Variants in NRXN1 observed in about 807,000 individuals in gnomAD.
The protein encoded by NRXN1 is neurexin 1, also known as neurexin-1.
In NRXN1, 39 loss-of-function variants were observed where a neutral mutation model predicts 150.9. The observed-to-expected ratio is 0.26, with a 90% CI of 0.20 to 0.34. The LOEUF is 0.34. Ranked by LOEUF, NRXN1 falls within the 10% of genes least tolerant of loss-of-function variation. The probability of loss-of-function intolerance (pLI) is 1.00; values close to 1 mark genes in which losing one functional copy is unlikely to be tolerated. For synonymous variants in NRXN1, 924 were observed against 757.0 expected, an observed-to-expected ratio of 1.22 and a Z score of -3.62; for missense variants, 1,815 against 1,949.9, an observed-to-expected ratio of 0.93 and a Z score of 1.30.
At chr2:50,632,175 G>A (rs1219179518) in intron 5 of NRXN1, among the ~76,000 whole-genome samples, 1 of 151,858 alleles carries the variant, frequency 6.6e-6, no homozygotes, top group Non-Finnish European at 1.5e-5. Context: ...AATATATTCT[G>A]AGCAATTTAT....
At chr2:50,559,991 T>A (rs1668818902) in intron 8 of NRXN1, among the ~76,000 whole-genome samples, 1 of 152,216 alleles carries the variant, frequency 6.6e-6, no homozygotes, top group Non-Finnish European at 1.5e-5. Flanking sequence ...TAGTATTTTA[T>A]GATTAAATGA....
intron 17 of NRXN1, among the ~76,000 whole-genome samples, chr2:50,434,309 C>A (rs758977017): frequency 6.6e-6 from 1 of 151,860 alleles, no homozygotes; most frequent in African/African-American, 2.4e-5. Flanking sequence ...GTCTCGATCT[C>A]CTGACCTCGT....
chr2:50,047,834 A>G (rs1034515773), intron 21 of NRXN1, among the ~76,000 whole-genome samples: 2 of 152,050 alleles, frequency 1.3e-5, no homozygotes, highest in Non-Finnish European at 2.9e-5. Flanking sequence ...TCAATGCTGT[A>G]TTTCTACAGA....
At chr2:50,601,350 A>C (rs774938090) in intron 8 of NRXN1, among the ~76,000 whole-genome samples, 3 of 152,116 alleles carry the variant, frequency 2.0e-5, no homozygotes, top group Admixed American at 2.0e-4. Context: ...TGAGAATTTA[A>C]CTCTTGGATC....
In NRXN1 at chr2:50,261,825, T is replaced by C. The variant is rs538937202; in HGVS notation, c.3365-24855A>G. Reference sequence around the variant, plus strand: ...TGTGAAAATGAGTAAAAAATAAGATTGCAAATGTGGAAGTTCTCAACCTTG... The same window carrying C: ...TGTGAAAATGAGTAAAAAATAAGATCGCAAATGTGGAAGTTCTCAACCTTG... On this transcript the variant is annotated intron_variant, in intron 17 of 22. Transcript: ENST00000401669. Among the ~76,000 whole-genome samples, 176 of 152,036 alleles carry C rather than the reference T, an allele frequency of 1.2e-3. 2 individuals carry two copies. The highest frequency in any genetic ancestry group is 3.3e-3 in the Admixed American group (50 of 15,204).
At chr2:50,265,422 G>C (rs2068731727) in intron 17 of NRXN1, among the ~76,000 whole-genome samples, 1 of 152,074 alleles carries the variant, frequency 6.6e-6, no homozygotes, top group Non-Finnish European at 1.5e-5. Flanking sequence ...TGGTCTAAGG[G>C]CTTATCATAA....
intron 5 of NRXN1, among the ~76,000 whole-genome samples, chr2:50,825,941 T>C (rs1670390929): frequency 6.6e-6 from 1 of 152,242 alleles, no homozygotes; most frequent in Non-Finnish European, 1.5e-5. Flanking sequence ...ACACATCTCA[T>C]GTTAGAGGTA....
chr2:50,196,856 A>T (rs889022958), intron 18 of NRXN1, among the ~76,000 whole-genome samples: 2 of 152,164 alleles, frequency 1.3e-5, no homozygotes, highest in South Asian at 4.1e-4. Context: ...GAGCTAAATG[A>T]TGAGAACTTA....
intron 17 of NRXN1, among the ~76,000 whole-genome samples, chr2:50,324,409 C>T (rs763940772): frequency 3.3e-5 from 5 of 152,234 alleles, no homozygotes; most frequent in Admixed American, 6.5e-5. Flanking sequence ...TACTTAAAGA[C>T]AATTAATCAT....
chr2:50,945,421 G>C (rs1417571446), intron 2 of NRXN1, among the ~76,000 whole-genome samples: 1 of 152,038 alleles, frequency 6.6e-6, no homozygotes, highest in Non-Finnish European at 1.5e-5. Flanking sequence ...CTGAGATCGT[G>C]CCAGTGATTT....
intron 17 of NRXN1, among the ~76,000 whole-genome samples, chr2:50,253,086 T>G (rs1167929753): frequency 6.6e-6 from 1 of 152,192 alleles, no homozygotes; most frequent in Non-Finnish European, 1.5e-5. Context: ...TCTTGTTTTC[T>G]TGAGCAATGG....
intron 21 of NRXN1, among the ~76,000 whole-genome samples, chr2:50,033,670 T>C (rs1333695714): frequency 3.9e-5 from 6 of 151,992 alleles, no homozygotes; most frequent in Admixed American, 3.9e-4. Context: ...CAAAAGAAAT[T>C]ATCAACAGAG....
At chr2:50,630,606 C>T (rs914406507) in intron 5 of NRXN1, among the ~76,000 whole-genome samples, 5 of 151,676 alleles carry the variant, frequency 3.3e-5, no homozygotes, top group Admixed American at 3.3e-4. Flanking sequence ...AATGTCAAGT[C>T]ATTTTTGTAT....
intron 18 of NRXN1, among the ~76,000 whole-genome samples, chr2:50,120,364 G>T (rs911980210): frequency 2.0e-5 from 3 of 151,898 alleles, no homozygotes; most frequent in Non-Finnish European, 4.4e-5. Context: ...ACACATAAAT[G>T]AATGCATATA....
intron 18 of NRXN1, among the ~76,000 whole-genome samples, chr2:50,097,458 G>C (rs929627508): frequency 2.6e-5 from 4 of 152,118 alleles, no homozygotes; most frequent in Non-Finnish European, 4.4e-5. Context: ...TGGGTGAATG[G>C]AATGTTTTGC....
chr2:50,776,697 G>T (rs1703693977), intron 5 of NRXN1, among the ~76,000 whole-genome samples: 2 of 151,066 alleles, frequency 1.3e-5, no homozygotes, highest in Admixed American at 1.3e-4. Context: ...TATGCCATCA[G>T]AGAACATTTC....
At chr2:50,004,053 G>C (rs1288348065) in intron 21 of NRXN1, among the ~76,000 whole-genome samples, 2 of 152,104 alleles carry the variant, frequency 1.3e-5, no homozygotes, top group African/African-American at 4.8e-5. Flanking sequence ...GGTGTAGTTG[G>C]TGAAAGGGAG....
chr2:50,577,709 AACACACAC>A (rs145366518), intron 8 of NRXN1, among the ~76,000 whole-genome samples: 1 of 147,206 alleles, frequency 6.8e-6, no homozygotes, highest in Non-Finnish European at 1.5e-5. Context: ...ACCTGACTGA[AACACACAC>A]ACACACACAC....
At chr2:50,682,619 C>T (rs1454304274) in intron 5 of NRXN1, among the ~76,000 whole-genome samples, 3 of 152,030 alleles carry the variant, frequency 2.0e-5, no homozygotes, top group Non-Finnish European at 4.4e-5. Context: ...AAAAACAAAG[C>T]GAGTAATGGT....
Sources: allele counts gnomAD v4.1 joint callset (sites outside exome capture counted in the v4.1 genomes callset), GRCh38; gene constraint gnomAD v4.1.1; transcripts MANE v1.5; gene names NCBI Gene and HGNC (gene_info 2026-07-23, HGNC 2026-07-21).